Variants in ADAM19 observed in about 807,000 individuals in gnomAD.
ADAM19 encodes disintegrin and metalloproteinase domain-containing protein 19.
ADAM19 carries 65 observed loss-of-function variants against 114.7 expected under a neutral mutation model. That is an observed-to-expected ratio of 0.57 (90% confidence interval 0.46 to 0.70). The LOEUF is 0.70. ADAM19 is among the 30% of genes least tolerant of loss of function. The probability of loss-of-function intolerance (pLI) is 0.00; values close to 1 mark genes in which losing one functional copy is unlikely to be tolerated. For missense variants in ADAM19, 1,063 were observed against 1,204.7 expected, an observed-to-expected ratio of 0.88 and a Z score of 1.74; for synonymous variants, 466 against 460.5, an observed-to-expected ratio of 1.01 and a Z score of -0.15.
chr5:157,490,242 A>C, intron 19 of ADAM19, 68 bp downstream of exon 19: 1 of 1,574,164 alleles, frequency 6.4e-7, no homozygotes, highest in Non-Finnish European at 8.7e-7. Flanking sequence ...ACTTTTGCTA[A>C]GTACCATTTA....
chr5:157,497,237 A>G, intron 13 of ADAM19, 148 bp from the exon 14 acceptor site: 1 of 641,448 alleles, frequency 1.6e-6, no homozygotes, highest in Non-Finnish European at 2.4e-6. Context: ...CATTAGCCCA[A>G]ACCACCTTCA....
chr5:157,522,097 A>C (rs1756310134), intron 5 of ADAM19, among the ~76,000 whole-genome samples: 1 of 152,218 alleles, frequency 6.6e-6, no homozygotes, highest in African/African-American at 2.4e-5. Context: ...AAGAATCCTC[A>C]TAGTGGCTGC....
intron 5 of ADAM19, among the ~76,000 whole-genome samples, chr5:157,529,066 G>A (rs910106452): frequency 5.3e-5 from 8 of 152,126 alleles, no homozygotes; most frequent in African/African-American, 1.2e-4. Flanking sequence ...ACATCACATC[G>A]GTAGCCTGAA....
chr5:157,571,310 C>T (rs1757817025), intron 1 of ADAM19, among the ~76,000 whole-genome samples: 1 of 152,126 alleles, frequency 6.6e-6, no homozygotes, highest in Admixed American at 6.5e-5. Context: ...GGATGATCAG[C>T]ATAGATGGCA....
At chr5:157,508,824 T>G (rs576487408) in intron 9 of ADAM19, among the ~76,000 whole-genome samples, 36 of 152,310 alleles carry the variant, frequency 2.4e-4, no homozygotes, top group African/African-American at 8.4e-4. Context: ...GTTCCTGCAC[T>G]GTCTAACACT....
chr5:157,562,299 G>A (rs1246754228), intron 3 of ADAM19, among the ~76,000 whole-genome samples: 1 of 152,196 alleles, frequency 6.6e-6, no homozygotes, highest in African/African-American at 2.4e-5. Flanking sequence ...CAACTCTGCT[G>A]CCTTCTGCCA....
At chr5:157,521,161 A>T (rs1317098946) in intron 5 of ADAM19, among the ~76,000 whole-genome samples, 1 of 152,234 alleles carries the variant, frequency 6.6e-6, no homozygotes, top group African/African-American at 2.4e-5. Context: ...AGCCTCAGCA[A>T]GAAAGAGGAC....
intron 3 of ADAM19, among the ~76,000 whole-genome samples, chr5:157,559,118 T>G (rs1160050874): frequency 6.6e-6 from 1 of 152,216 alleles, no homozygotes; most frequent in Non-Finnish European, 1.5e-5. Context: ...AATTCTGCCT[T>G]GACAATTGCT....
intron 15 of ADAM19, among the ~76,000 whole-genome samples, chr5:157,493,638 C>G (rs917584332): frequency 1.3e-5 from 2 of 152,136 alleles, no homozygotes; most frequent in Non-Finnish European, 2.9e-5. Context: ...GCCCCACCCC[C>G]CTTACCTGGT....
chr5:157,507,198 G>T, intron 9 of ADAM19, 58 bp from the exon 10 acceptor site: 1 of 1,541,340 alleles, frequency 6.5e-7, no homozygotes, highest in Non-Finnish European at 9.0e-7. Flanking sequence ...CTGTTCCAAT[G>T]TGCCTGGGAG....
intron 21 of ADAM19, 103 bp downstream of exon 21, chr5:157,488,157 GTCAGC>G: frequency 2.6e-6 from 3 of 1,144,744 alleles, no homozygotes; most frequent in Non-Finnish European, 3.8e-6. Flanking sequence ...AGAAAAGGCA[GTCAGC>G]TCATGACCCC....
At chr5:157,563,045 G>A (rs535769260) in intron 3 of ADAM19, among the ~76,000 whole-genome samples, 4 of 152,230 alleles carry the variant, frequency 2.6e-5, no homozygotes, top group Middle Eastern at 3.4e-3. Flanking sequence ...GCAGGCCCCC[G>A]AGAGACACGG....
At position 157,575,614 on chromosome 5, in the gene ADAM19, G is replaced by A. The variant is rs1287212255; in HGVS notation, c.83C>T (p.Pro28Leu). ...QPLRPRAARE[P>L]GWTRGSEEGS... Reference sequence around the variant, plus strand: ...GCCTGGCCACTTACTTGTCCATCCAGGCTCCCGCGCCGCCCGCGGCCGGAG... The same window carrying A: ...GCCTGGCCACTTACTTGTCCATCCAAGCTCCCGCGCCGCCCGCGGCCGGAG... Residue 28 changes from proline to leucine, a missense_variant, in exon 1 of 23, where the codon CCT becomes CTT. Pro to Leu is a moderately conservative substitution (Grantham distance 98). Transcript: ENST00000257527. The A allele has an allele frequency of 6.9e-7, 1 of 1,456,682 alleles. No homozygotes were observed. Among genetic ancestry groups the A allele is most frequent in the Non-Finnish European group, 9.0e-7 (1 of 1,110,774 alleles). 90.2% of individuals were successfully genotyped at this position (1,456,682 alleles called of 1,614,324 possible).
intron 17 of ADAM19, 52 bp downstream of exon 17, chr5:157,491,783 C>A (rs1755172519): frequency 3.1e-6 from 5 of 1,612,852 alleles, no homozygotes; most frequent in Non-Finnish European, 4.2e-6. Flanking sequence ...ACCCACAGGG[C>A]CTGCCCTCAT....
intron 3 of ADAM19, among the ~76,000 whole-genome samples, chr5:157,545,932 G>A (rs1581344508): frequency 6.6e-6 from 1 of 152,258 alleles, no homozygotes; most frequent in Non-Finnish European, 1.5e-5. Context: ...TATTTGCTGG[G>A]GGTCCTTGAT....
chr5:157,534,654 T>C (rs1434082701), intron 4 of ADAM19, among the ~76,000 whole-genome samples: 1 of 152,192 alleles, frequency 6.6e-6, no homozygotes, highest in African/African-American at 2.4e-5. Context: ...CGAGGCCCTA[T>C]GTCTAAAATA....
At chr5:157,528,311 G>T (rs1756529178) in intron 5 of ADAM19, among the ~76,000 whole-genome samples, 1 of 152,144 alleles carries the variant, frequency 6.6e-6, no homozygotes, top group African/African-American at 2.4e-5. Context: ...CAGCTCACCC[G>T]GTATCCCCCT....
At chr5:157,506,125 A>G (rs1379441184) in intron 10 of ADAM19, among the ~76,000 whole-genome samples, 5 of 152,218 alleles carry the variant, frequency 3.3e-5, no homozygotes, top group Middle Eastern at 3.2e-3. Flanking sequence ...TCTTCTGAAC[A>G]TATATATTTC....
In ADAM19 at chr5:157,503,628, C is replaced by T. The variant is rs190890212; in HGVS notation, c.1131-648G>A. Among the ~76,000 whole-genome samples, 8 of 152,202 alleles carry T rather than the reference C, an allele frequency of 5.3e-5. No homozygotes were observed. In the East Asian group the frequency reaches 5.8e-4, roughly 11 times the overall value. ...TTCTGCCCATTGCATGAGGGGGCTGCGATAAGTAAAGGGTTGTGAGTGTGT... is the reference window on the plus strand; with the variant it reads ...TTCTGCCCATTGCATGAGGGGGCTGTGATAAGTAAAGGGTTGTGAGTGTGT... On this transcript the variant is annotated intron_variant, in intron 11 of 22. Transcript: ENST00000257527.
Sources: gnomAD v4.1 joint callset for allele counts (sites outside exome capture counted in the v4.1 genomes callset) on GRCh38, gnomAD v4.1.1 for gene constraint, MANE v1.5 for transcripts, NCBI Gene and HGNC (gene_info 2026-07-23, HGNC 2026-07-21) for gene names.